RAD51C: variants seen among roughly 807,000 people sequenced by gnomAD.
RAD51C encodes the protein RAD51 paralog C.
RAD51C carries 42 observed loss-of-function variants against 45.0 expected under a neutral mutation model. The ratio of observed to expected loss-of-function variants is 0.93; its 90% confidence interval spans 0.73 to 1.21. The LOEUF is 1.21. Among genes scored for constraint, RAD51C ranks in the 50% most tolerant of loss-of-function variants. The pLI is 0.00. For synonymous variants in RAD51C, 172 were observed against 159.8 expected, an observed-to-expected ratio of 1.08 and a Z score of -0.58; for missense variants, 474 against 452.2, an observed-to-expected ratio of 1.05 and a Z score of -0.44.
chr17:58,695,088 C>T lies in RAD51C; in HGVS notation c.303C>T (p.Ile101=), dbSNP rs751840489. ...AGGAGCATACCCAGGGCTTCATAAT[C>T]ACCTTCTGTTCAGCACTAGATGATA... The part of the protein sequence containing the change: ...LEQEHTQGFI[I]TFCSALDDIL... Residue 101 remains isoleucine (I), a synonymous_variant, in exon 2 of 9, where the codon ATC becomes ATT. Coordinates refer to ENST00000337432, the MANE Select transcript of RAD51C (RefSeq NM_058216.3). 3.1e-6 allele frequency: 5 copies of T among 1,614,116 alleles called. No individual in the cohort carries two copies. The highest frequency in any genetic ancestry group is 3.4e-6 in the Non-Finnish European group (4 of 1,180,028).
intron 5 of RAD51C, among the ~76,000 whole-genome samples, chr17:58,710,986 A>C (rs1321098842): frequency 6.6e-6 from 1 of 152,216 alleles, no homozygotes; most frequent in Non-Finnish European, 1.5e-5. Context: ...ATACATCATA[A>C]GTAAATAAAG....
At chr17:58,703,960 T>G (rs1176043781) in intron 4 of RAD51C, among the ~76,000 whole-genome samples, 2 of 145,226 alleles carry the variant, frequency 1.4e-5, no homozygotes, top group East Asian at 2.0e-4. Flanking sequence ...TTTTTTTTTT[T>G]GGGTAGAAAT....
chr17:58,731,983 A>G (rs993367088), intron 7 of RAD51C, among the ~76,000 whole-genome samples: 1 of 152,200 alleles, frequency 6.6e-6, no homozygotes, highest in South Asian at 2.1e-4. Flanking sequence ...ATAATTCTTC[A>G]GCAATAATTA....
chr17:58,723,221 A>G (rs1387879031), intron 6 of RAD51C, among the ~76,000 whole-genome samples: 1 of 151,992 alleles, frequency 6.6e-6, no homozygotes, highest in Admixed American at 6.6e-5. Context: ...CTCACAAATT[A>G]TATCCACCTT....
At chr17:58,700,278 G>A (rs1399302987) in intron 3 of RAD51C, 1 of 151,972 alleles carries the variant, frequency 6.6e-6, no homozygotes, top group Non-Finnish European at 1.5e-5. Flanking sequence ...CGATTTACAG[G>A]GCTCCAGCCA....
intron 3 of RAD51C, among the ~76,000 whole-genome samples, chr17:58,697,692 T>C (rs975204744): frequency 7.2e-5 from 11 of 152,078 alleles, no homozygotes; most frequent in African/African-American, 2.7e-4. Context: ...GCTTGTTATG[T>C]GAAAATAAAG....
At chr17:58,733,233 C>T (rs1358029226) in intron 8 of RAD51C, among the ~76,000 whole-genome samples, 2 of 152,176 alleles carry the variant, frequency 1.3e-5, no homozygotes, top group African/African-American at 4.8e-5. Context: ...CCAGACTAGT[C>T]TCAAACTCCT....
At chr17:58,727,173 G>A (rs1416594374) in intron 7 of RAD51C, among the ~76,000 whole-genome samples, 5 of 148,524 alleles carry the variant, frequency 3.4e-5, no homozygotes, top group African/African-American at 1.2e-4. Context: ...TGCCCAGGCT[G>A]GGGTGCAATG....
chr17:58,705,282 T>C lies in RAD51C; in HGVS notation c.705+1953T>C, dbSNP rs556804291. ...TGCAGACAGCCATCTTTTCTCTGTG[T>C]CCTCATATGATAGGGAGGAAAAGAA... On this transcript the variant is annotated intron_variant, in intron 4 of 8. Coordinates refer to ENST00000337432, the MANE Select transcript of RAD51C (RefSeq NM_058216.3). Among the ~76,000 whole-genome samples the C allele has an allele frequency of 2.1e-4, 32 of 151,698 alleles. No homozygotes were observed. The East Asian group carries it at 5.6e-3, about 27-fold the overall frequency.
chr17:58,707,472 A>G (rs1209387683), intron 4 of RAD51C, among the ~76,000 whole-genome samples: 1 of 151,932 alleles, frequency 6.6e-6, no homozygotes, highest in Non-Finnish European at 1.5e-5. Context: ...CAGTGAGCCA[A>G]GAACGCACCA....
chr17:58,716,091 C>A (rs2048723303), intron 5 of RAD51C, among the ~76,000 whole-genome samples: 2 of 140,222 alleles, frequency 1.4e-5, no homozygotes, highest in South Asian at 4.5e-4. Flanking sequence ...AGCAACAGAG[C>A]AAGACTCTGT....
chr17:58,697,315 A>T (rs1315641200), intron 3 of RAD51C, among the ~76,000 whole-genome samples: 1 of 152,180 alleles, frequency 6.6e-6, no homozygotes, highest in Non-Finnish European at 1.5e-5. Context: ...AGGCGGGTGG[A>T]TCACGAGGTC....
intron 2 of RAD51C, 108 bp from the exon 3 acceptor site, chr17:58,696,585 T>A: frequency 7.5e-7 from 1 of 1,328,638 alleles, no homozygotes; most frequent in Non-Finnish European, 1.1e-6. Context: ...GGAGTATATT[T>A]ACATTTATAA....
At chr17:58,701,070 T>C (rs902352091) in intron 3 of RAD51C, among the ~76,000 whole-genome samples, 7 of 152,054 alleles carry the variant, frequency 4.6e-5, no homozygotes, top group Non-Finnish European at 7.4e-5. Flanking sequence ...GCTAATTTTT[T>C]TTGCATTTTT....
At chr17:58,732,647 C>A in intron 8 of RAD51C, 103 bp downstream of exon 8, 1 of 1,111,232 alleles carries the variant, frequency 9.0e-7, no homozygotes, top group Non-Finnish European at 1.4e-6. Context: ...AGGCAGCAAG[C>A]ATATTTGAGG....
At chr17:58,715,754 G>A (rs560196260) in intron 5 of RAD51C, among the ~76,000 whole-genome samples, 17 of 152,186 alleles carry the variant, frequency 1.1e-4, no homozygotes, top group African/African-American at 4.1e-4. Flanking sequence ...ACATTGCATG[G>A]CAGAAATATT....
rs2048987247 is a variant in RAD51C, at chr17:58,723,303, A to G, written c.905-737A>G. Among the ~76,000 whole-genome samples, 7 of 150,888 alleles carry G rather than the reference A, an allele frequency of 4.6e-5. No homozygotes were observed. The South Asian group carries it at 1.2e-3, about 27-fold the overall frequency. ...CACTATTGCTTAAATCTTGAGTTAC[A>G]CTTAATGCTTTTTTTTTTGGTCTTT... On this transcript the variant is annotated intron_variant, in intron 6 of 8. Transcript: ENST00000337432.
At chr17:58,709,199 C>T (rs1033811560) in intron 4 of RAD51C, among the ~76,000 whole-genome samples, 5 of 150,748 alleles carry the variant, frequency 3.3e-5, no homozygotes. Context: ...CTGCCTCAGC[C>T]TCCTGAGTAC....
chr17:58,732,422 T>C, intron 7 of RAD51C, 62 bp from the exon 8 acceptor site: 1 of 1,407,682 alleles, frequency 7.1e-7, no homozygotes, highest in Non-Finnish European at 1.0e-6. Context: ...AGTTTGGTCA[T>C]CTGAACTTTT....
Sources: allele counts gnomAD v4.1 joint callset (sites outside exome capture counted in the v4.1 genomes callset), GRCh38; gene constraint gnomAD v4.1.1; transcripts MANE v1.5; gene names NCBI Gene and HGNC (gene_info 2026-07-23, HGNC 2026-07-21).